The following ANAPC10 variants were observed in gnomAD, a reference collection of about 807,000 sequenced individuals.
ANAPC10 encodes the protein anaphase promoting complex subunit 10.
ANAPC10 carries 12 observed loss-of-function variants against 22.0 expected under a neutral mutation model. That is an observed-to-expected ratio of 0.55 (90% confidence interval 0.35 to 0.88). ANAPC10 has a LOEUF of 0.88. ANAPC10 is among the 40% of genes least tolerant of loss of function. ANAPC10 has a pLI of 0.01. For synonymous variants in ANAPC10, 65 were observed against 69.5 expected, an observed-to-expected ratio of 0.94 and a Z score of 0.32; for missense variants, 188 against 220.9, an observed-to-expected ratio of 0.85 and a Z score of 0.94.
intron 4 of ANAPC10, among the ~76,000 whole-genome samples, chr4:145,062,361 C>T (rs1376019004): frequency 6.6e-6 from 1 of 151,836 alleles, no homozygotes; most frequent in African/African-American, 2.4e-5. Flanking sequence ...AATCCTAGCA[C>T]TTTGGGAGGC....
At chr4:145,080,133 A>AC (rs1454915005) in intron 3 of ANAPC10, among the ~76,000 whole-genome samples, 16 of 150,732 alleles carry the variant, frequency 1.1e-4, no homozygotes, top group African/African-American at 3.6e-4. Context: ...AAAAAAAAAA[A>AC]AAAAACACAC....
upstream of ANAPC10, chr4:145,098,224 C>T (rs1317399540): frequency 2.6e-5 from 4 of 152,402 alleles, no homozygotes; most frequent in Non-Finnish European, 4.4e-5. Flanking sequence ...GACGTCATAT[C>T]TCCCTACCTA....
chr4:145,047,004 T>C (rs1237408742), intron 4 of ANAPC10, among the ~76,000 whole-genome samples: 1 of 152,106 alleles, frequency 6.6e-6, no homozygotes, highest in Non-Finnish European at 1.5e-5. Context: ...AAAGTTATAT[T>C]GACTAAGAAT....
chr4:145,079,873 G>C (rs1297007308), intron 3 of ANAPC10, among the ~76,000 whole-genome samples: 4 of 152,042 alleles, frequency 2.6e-5, no homozygotes, highest in Non-Finnish European at 5.9e-5. Flanking sequence ...CAGCACTTTG[G>C]GAGGCCGAGG....
chr4:145,069,465 C>A (rs1046530089), intron 3 of ANAPC10, among the ~76,000 whole-genome samples: 3 of 152,174 alleles, frequency 2.0e-5, no homozygotes, highest in Non-Finnish European at 2.9e-5. Flanking sequence ...GGGGAAAGAA[C>A]AATTACTGGA....
chr4:145,080,113 CAAAAAA>C (rs70956824), intron 3 of ANAPC10, among the ~76,000 whole-genome samples: 3 of 26,788 alleles, frequency 1.1e-4, no homozygotes, highest in East Asian at 1.2e-3. Flanking sequence ...GACTCTGTCT[CAAAAAA>C]AAAAAAAAAA....
chr4:145,040,477 A>G (rs567564146), intron 4 of ANAPC10, among the ~76,000 whole-genome samples: 1 of 152,354 alleles, frequency 6.6e-6, no homozygotes, highest in East Asian at 1.9e-4. Context: ...CTATAAAAAC[A>G]TAACAAATTT....
chr4:145,015,296 T>C (rs2126948885), intron 4 of ANAPC10, among the ~76,000 whole-genome samples: 1 of 151,968 alleles, frequency 6.6e-6, no homozygotes, highest in Non-Finnish European at 1.5e-5. Flanking sequence ...CAAAATGCTC[T>C]GGAAAGTCTC....
chr4:145,095,685 C>T (rs1026731706), intron 2 of ANAPC10, among the ~76,000 whole-genome samples: 1 of 152,092 alleles, frequency 6.6e-6, no homozygotes, highest in African/African-American at 2.4e-5. Flanking sequence ...ATTTTGAGAG[C>T]GAGAGAGACC....
chr4:145,077,331 G>A (rs138344880), intron 3 of ANAPC10, among the ~76,000 whole-genome samples: 45 of 152,300 alleles, frequency 3.0e-4, no homozygotes, highest in African/African-American at 9.9e-4. Context: ...CAGAGAGGGA[G>A]AAACAACAAG....
rs190592335 is a variant in ANAPC10, at chr4:145,000,606, T to C, written c.328-5003A>G. Among the ~76,000 whole-genome samples, 9 of 152,340 alleles carry C rather than the reference T, an allele frequency of 5.9e-5. No homozygotes were observed. The East Asian group carries it at 1.5e-3, about 26-fold the overall frequency. On this transcript the variant is annotated intron_variant, in intron 4 of 4. Transcript: ENST00000507656. ...CACTTTTACACTGTTGGTGGGACTG[T>C]AAACTAGTTCAACCATTGTGGAAGA...
chr4:145,075,961 C>G (rs1483353910), intron 3 of ANAPC10, among the ~76,000 whole-genome samples: 5 of 152,132 alleles, frequency 3.3e-5, no homozygotes, highest in Non-Finnish European at 5.9e-5. Flanking sequence ...GGGATGGGGG[C>G]CAGTCTGATC....
intron 4 of ANAPC10, among the ~76,000 whole-genome samples, chr4:145,019,114 C>G (rs1735630534): frequency 6.6e-6 from 1 of 152,146 alleles, no homozygotes; most frequent in Non-Finnish European, 1.5e-5. Flanking sequence ...CAGCTATATA[C>G]AGAACATTCC....
rs868332165 is a variant in ANAPC10, at chr4:145,067,615, T to C, written c.207-2923A>G. Among the ~76,000 whole-genome samples, 8 of 152,312 alleles carry C rather than the reference T, an allele frequency of 5.3e-5. 1 individual carries two copies. The highest frequency in any genetic ancestry group is 2.0e-4 in the Admixed American group (3 of 15,298). ...TTAGGAAACACACTTGACTAAGATA[T>C]AATGCAGTTATATTTCTCAAATATC... is the stretch of plus-strand genomic sequence containing the variant. On this transcript the variant is annotated intron_variant, in intron 3 of 4. Coordinates refer to ENST00000507656, the MANE Select transcript of ANAPC10 (RefSeq NM_001256706.2).
At chr4:145,056,081 C>T (rs1274424689) in intron 4 of ANAPC10, among the ~76,000 whole-genome samples, 3 of 152,130 alleles carry the variant, frequency 2.0e-5, no homozygotes, top group African/African-American at 7.2e-5. Flanking sequence ...ATCTTGAATA[C>T]GAGCTGGGTA....
chr4:145,054,141 T>C (rs1467377559), intron 4 of ANAPC10, among the ~76,000 whole-genome samples: 1 of 150,756 alleles, frequency 6.6e-6, no homozygotes, highest in African/African-American at 2.4e-5. Context: ...TCTCTTGACT[T>C]TGTGATCTGC....
intron 4 of ANAPC10, among the ~76,000 whole-genome samples, chr4:145,027,782 GA>G (rs1174218351): frequency 6.6e-6 from 1 of 152,162 alleles, no homozygotes; most frequent in Non-Finnish European, 1.5e-5. Flanking sequence ...CCTTGAGGGT[GA>G]GATTAAAATA....
intron 4 of ANAPC10, among the ~76,000 whole-genome samples, chr4:145,017,639 T>TA (rs1040176618): frequency 1.3e-5 from 2 of 152,116 alleles, no homozygotes; most frequent in African/African-American, 4.8e-5. Flanking sequence ...CAAAGGAATA[T>TA]AAATCATGCT....
intron 4 of ANAPC10, among the ~76,000 whole-genome samples, chr4:145,046,841 G>C (rs962679184): frequency 1.3e-5 from 2 of 151,914 alleles, no homozygotes; most frequent in African/African-American, 4.8e-5. Context: ...TTGAATCCAA[G>C]ACAACCTATC....
Sources: allele counts gnomAD v4.1 joint callset (sites outside exome capture counted in the v4.1 genomes callset), GRCh38; gene constraint gnomAD v4.1.1; transcripts MANE v1.5; gene names NCBI Gene and HGNC (gene_info 2026-07-23, HGNC 2026-07-21).